Variants in EYS observed in about 807,000 individuals in gnomAD.
The protein encoded by EYS is protein eyes shut homolog.
Under a neutral mutation model 282.1 loss-of-function variants are expected in EYS, and 250 were observed. That is an observed-to-expected ratio of 0.89 (90% CI 0.80 to 0.98). The LOEUF is 0.98. EYS is among the 50% of genes least tolerant of loss of function. The probability of loss-of-function intolerance (pLI) is 0.00; values close to 1 mark genes in which losing one functional copy is unlikely to be tolerated. For missense variants in EYS, 4,016 were observed against 3,709.0 expected (o/e 1.08, Z -2.15); for synonymous variants, 1,355 against 1,282.9 (o/e 1.06, Z -1.20).
intron 15 of EYS, among the ~76,000 whole-genome samples, chr6:64,937,370 A>C (rs1183218319): frequency 1.3e-5 from 2 of 151,602 alleles, no homozygotes; most frequent in African/African-American, 4.8e-5. Flanking sequence ...CACATAATGG[A>C]AGAAAATATT....
intron 12 of EYS, among the ~76,000 whole-genome samples, chr6:65,132,775 A>T (rs1483895620): frequency 1.3e-5 from 2 of 152,060 alleles, no homozygotes; most frequent in East Asian, 3.9e-4. Flanking sequence ...TCAAACTATC[A>T]TTGTTAGCAG....
chr6:64,483,623 G>A (rs528074998), intron 26 of EYS, among the ~76,000 whole-genome samples: 1 of 151,614 alleles, frequency 6.6e-6, no homozygotes, highest in African/African-American at 2.4e-5. Flanking sequence ...GAAGAGGCAG[G>A]CTCTGTTTCT....
chr6:65,287,726 C>G (rs972210105), intron 12 of EYS, among the ~76,000 whole-genome samples: 2 of 151,160 alleles, frequency 1.3e-5, no homozygotes, highest in African/African-American at 4.8e-5. Context: ...ATTCCTTTGC[C>G]ATTTAAAAAG....
At chr6:64,872,955 G>A (rs1024046841) in intron 19 of EYS, among the ~76,000 whole-genome samples, 10 of 152,024 alleles carry the variant, frequency 6.6e-5, no homozygotes, top group African/African-American at 2.2e-4. Context: ...GATAACAGTG[G>A]GAACTGTTAT....
At chr6:64,643,116 C>CCG (rs1554188081) in intron 22 of EYS, among the ~76,000 whole-genome samples, 3 of 115,592 alleles carry the variant, frequency 2.6e-5, no homozygotes, top group Non-Finnish European at 1.8e-5. Flanking sequence ...ACTCCATCCC[C>CCG]CCCCCCAAAA....
chr6:64,754,015 T>C (rs1190137375), intron 22 of EYS, among the ~76,000 whole-genome samples: 8 of 152,116 alleles, frequency 5.3e-5, no homozygotes, highest in Admixed American at 5.2e-4. Context: ...TTTGGGTACA[T>C]GATGAAATTA....
chr6:65,359,708 T>A (rs1764626464), intron 8 of EYS, among the ~76,000 whole-genome samples: 1 of 151,998 alleles, frequency 6.6e-6, no homozygotes, highest in Non-Finnish European at 1.5e-5. Context: ...TAGGCAGATA[T>A]TAATAGTGGG....
chr6:64,572,229 T>C (rs1362645961), intron 26 of EYS, among the ~76,000 whole-genome samples: 2 of 152,206 alleles, frequency 1.3e-5, no homozygotes, highest in Non-Finnish European at 2.9e-5. Context: ...TCAACACCAC[T>C]TCATGGTAAA....
intron 31 of EYS, among the ~76,000 whole-genome samples, chr6:64,175,342 C>T (rs1039835111): frequency 1.3e-5 from 2 of 152,106 alleles, no homozygotes; most frequent in African/African-American, 4.8e-5. Flanking sequence ...GCTTCTATCC[C>T]TTTCAGGAAG....
At chr6:65,571,317 A>C (rs1366340201) in intron 2 of EYS, among the ~76,000 whole-genome samples, 1 of 152,054 alleles carries the variant, frequency 6.6e-6, no homozygotes, top group East Asian at 1.9e-4. Flanking sequence ...CAAGGTGACC[A>C]TGAAAACCAA....
intron 13 of EYS, among the ~76,000 whole-genome samples, chr6:65,013,503 C>G (rs896464826): frequency 6.6e-6 from 1 of 152,150 alleles, no homozygotes; most frequent in Non-Finnish European, 1.5e-5. Context: ...GCTAAAGAGT[C>G]ATTATGTAAG....
chr6:65,233,350 C>T (rs1358982605), intron 12 of EYS, among the ~76,000 whole-genome samples: 1 of 152,050 alleles, frequency 6.6e-6, no homozygotes, highest in Admixed American at 6.6e-5. Context: ...CTGCCGTTTG[C>T]TTGGTCATTT....
At chr6:64,493,275 A>G (rs1776790602) in intron 26 of EYS, among the ~76,000 whole-genome samples, 2 of 151,524 alleles carry the variant, frequency 1.3e-5, no homozygotes, top group African/African-American at 2.4e-5. Context: ...CTGCAAATCA[A>G]AATGATTAAA....
chr6:64,556,273 A>C (rs1405271306), intron 26 of EYS, among the ~76,000 whole-genome samples: 1 of 152,032 alleles, frequency 6.6e-6, no homozygotes, highest in Non-Finnish European at 1.5e-5. Context: ...AGGTATATTC[A>C]GACAATAGAA....
intron 22 of EYS, chr6:64,733,091 A>G (rs1772028184): frequency 6.6e-6 from 1 of 152,202 alleles, no homozygotes; most frequent in Non-Finnish European, 1.5e-5. Context: ...TTTGCTATGC[A>G]CACATTCCTG....
chr6:64,408,533 G>A (rs1366471075), intron 28 of EYS, among the ~76,000 whole-genome samples: 2 of 152,176 alleles, frequency 1.3e-5, no homozygotes, highest in African/African-American at 4.8e-5. Context: ...AGCCCCAGCT[G>A]GGGTACAGGG....
intron 12 of EYS, among the ~76,000 whole-genome samples, chr6:65,079,433 C>A (rs2150170678): frequency 6.6e-6 from 1 of 152,032 alleles, no homozygotes; most frequent in African/African-American, 2.4e-5. Context: ...CCTTCAGTTT[C>A]ATGAAATGTA....
intron 1 of EYS, among the ~76,000 whole-genome samples, chr6:65,647,751 A>C (rs2149816574): frequency 6.6e-6 from 1 of 152,328 alleles, no homozygotes; most frequent in African/African-American, 2.4e-5. Context: ...AATTGGGGGT[A>C]AATTTTCACA....
chr6:64,280,890 A>C (rs1768284700), intron 30 of EYS, among the ~76,000 whole-genome samples: 1 of 152,184 alleles, frequency 6.6e-6, no homozygotes, highest in African/African-American at 2.4e-5. Context: ...TAATCAATTT[A>C]AACTTTGAGA....
Sources: gnomAD v4.1 joint callset for allele counts (sites outside exome capture counted in the v4.1 genomes callset) on GRCh38, gnomAD v4.1.1 for gene constraint, MANE v1.5 for transcripts, NCBI Gene and HGNC (gene_info 2026-07-23, HGNC 2026-07-21) for gene names.